TANC2: variants seen among roughly 807,000 people sequenced by gnomAD.
TANC2 encodes the protein tetratricopeptide repeat, ankyrin repeat and coiled-coil containing 2, also known as protein TANC2.
A neutral mutation model predicts 210.5 loss-of-function variants in TANC2; 26 were observed. That is an observed-to-expected ratio of 0.12 (90% CI 0.09 to 0.17). The LOEUF (loss-of-function observed/expected upper bound fraction) is 0.17. TANC2 is among the 10% of genes least tolerant of loss of function. The pLI is 1.00. For missense variants in TANC2, 2,129 were observed against 2,608.9 expected (o/e 0.82, Z 4.01); for synonymous variants, 931 against 967.1 (o/e 0.96, Z 0.69).
At chr17:63,172,728 G>A (rs1217418085) in intron 5 of TANC2, among the ~76,000 whole-genome samples, 2 of 152,148 alleles carry the variant, frequency 1.3e-5, no homozygotes. Context: ...AAGGGAAAAA[G>A]AAGAAACTTA....
chr17:63,017,457 C>G (rs2034157460), intron 2 of TANC2, among the ~76,000 whole-genome samples: 1 of 151,922 alleles, frequency 6.6e-6, no homozygotes, highest in South Asian at 2.1e-4. Flanking sequence ...GTTCACTGTT[C>G]TGTTGTATAG....
chr17:63,221,268 T>TA (rs1286291341), intron 7 of TANC2, among the ~76,000 whole-genome samples: 2 of 150,980 alleles, frequency 1.3e-5, no homozygotes, highest in South Asian at 2.1e-4. Flanking sequence ...CTGTCTCTAC[T>TA]AAAAAAAATA....
At chr17:63,177,459 G>A (rs1334586706) in intron 5 of TANC2, among the ~76,000 whole-genome samples, 1 of 151,728 alleles carries the variant, frequency 6.6e-6, no homozygotes, top group Non-Finnish European at 1.5e-5. Flanking sequence ...CTTAGATTGA[G>A]CAGAAAATAT....
intron 9 of TANC2, among the ~76,000 whole-genome samples, chr17:63,296,138 T>A (rs2044529537): frequency 6.6e-6 from 1 of 152,136 alleles, no homozygotes; most frequent in Non-Finnish European, 1.5e-5. Flanking sequence ...GCTCTAAGAA[T>A]CAGTCCTTGC....
At chr17:63,090,542 C>T (rs2037147329) in intron 3 of TANC2, among the ~76,000 whole-genome samples, 5 of 152,132 alleles carry the variant, frequency 3.3e-5, no homozygotes, top group Admixed American at 2.6e-4. Context: ...CGAACTCATC[C>T]TTTTTCATGG....
At chr17:63,195,599 C>T (rs1428461681) in intron 6 of TANC2, among the ~76,000 whole-genome samples, 3 of 152,100 alleles carry the variant, frequency 2.0e-5, no homozygotes, top group Non-Finnish European at 2.9e-5. Flanking sequence ...TACCCGTTGC[C>T]GTATCCTCTG....
chr17:63,312,547 G>A (rs544250461), intron 9 of TANC2, among the ~76,000 whole-genome samples: 2 of 152,054 alleles, frequency 1.3e-5, no homozygotes, highest in Non-Finnish European at 2.9e-5. Context: ...ACGTAAAGAT[G>A]GTAACAGTAG....
intron 10 of TANC2, among the ~76,000 whole-genome samples, chr17:63,317,109 A>G (rs2045340445): frequency 6.6e-6 from 1 of 152,116 alleles, no homozygotes; most frequent in Admixed American, 6.5e-5. Flanking sequence ...ATAAAAAAAC[A>G]TGGGAAATCA....
chr17:63,280,725 G>C (rs1284634236), intron 9 of TANC2, among the ~76,000 whole-genome samples: 1 of 152,014 alleles, frequency 6.6e-6, no homozygotes, highest in Non-Finnish European at 1.5e-5. Context: ...AAAATTGCTA[G>C]GTAGATTTTA....
intron 4 of TANC2, chr17:63,150,020 C>G (rs1417124478): frequency 6.6e-6 from 1 of 152,040 alleles, no homozygotes; most frequent in Non-Finnish European, 1.5e-5. Context: ...TTTCTATATA[C>G]TTTTAATACT....
chr17:63,105,885 T>TA (rs2037804950), intron 4 of TANC2, among the ~76,000 whole-genome samples: 1 of 151,654 alleles, frequency 6.6e-6, no homozygotes, highest in South Asian at 2.1e-4. Context: ...TTTGTTAGAT[T>TA]AAAAAATATA....
At chr17:63,354,720 T>TCC in intron 13 of TANC2, 63 bp from the exon 14 acceptor site, 14 of 1,513,126 alleles carry the variant, frequency 9.3e-6, no homozygotes, top group Non-Finnish European at 1.2e-5. Flanking sequence ...CCTCATAGTT[T>TCC]ATCACAAGAG....
chr17:63,193,945 A>G (rs754315696), intron 5 of TANC2, 46 bp from the exon 6 acceptor site: 4 of 1,567,314 alleles, frequency 2.6e-6, no homozygotes, highest in Admixed American at 1.9e-5. Context: ...GAACTAGACC[A>G]TTTTATTTTG....
intron 5 of TANC2, among the ~76,000 whole-genome samples, chr17:63,166,905 A>G (rs2040228578): frequency 6.6e-6 from 1 of 152,174 alleles, no homozygotes; most frequent in Non-Finnish European, 1.5e-5. Flanking sequence ...CACTACTGGT[A>G]GGTCTGCAGT....
chr17:63,160,604 T>C (rs2039993579), intron 5 of TANC2, among the ~76,000 whole-genome samples: 1 of 152,186 alleles, frequency 6.6e-6, no homozygotes. Flanking sequence ...TAAAGGTGCT[T>C]CAGTGAACAT....
intron 1 of TANC2, among the ~76,000 whole-genome samples, chr17:62,994,652 TA>T (rs1406639019): frequency 1.3e-5 from 2 of 152,206 alleles, no homozygotes; most frequent in African/African-American, 4.8e-5. Flanking sequence ...TTTGGTATAT[TA>T]CATTGATTTT....
chr17:63,355,413 A>G (rs4968765), intron 14 of TANC2, 23 bp downstream of exon 14: 777,272 of 1,515,274 alleles, frequency 0.51, 206,839 homozygotes, highest in African/African-American at 0.85. Flanking sequence ...TCTGTGATAA[A>G]CAATTCTGAG....
At chr17:63,044,915 ATTAT>A (rs543497442) in intron 2 of TANC2, among the ~76,000 whole-genome samples, 2 of 151,780 alleles carry the variant, frequency 1.3e-5, no homozygotes, top group Admixed American at 6.6e-5. Context: ...TTTCTGTTGG[ATTAT>A]TTGTCTTTTT....
intron 14 of TANC2, among the ~76,000 whole-genome samples, chr17:63,357,952 C>G (rs2046826280): frequency 6.6e-6 from 1 of 152,230 alleles, no homozygotes; most frequent in Non-Finnish European, 1.5e-5. Flanking sequence ...TGAAATCACA[C>G]CAGGTAAGCC....
Sources: gnomAD v4.1 joint callset for allele counts (sites outside exome capture counted in the v4.1 genomes callset) on GRCh38, gnomAD v4.1.1 for gene constraint, MANE v1.5 for transcripts, NCBI Gene and HGNC (gene_info 2026-07-23, HGNC 2026-07-21) for gene names.